DGKB: variants seen among roughly 807,000 people sequenced by gnomAD.
The protein encoded by DGKB is 90 kDa diacylglycerol kinase.
A neutral mutation model predicts 114.3 loss-of-function variants in DGKB; 67 were observed. The ratio of observed to expected loss-of-function variants is 0.59; its 90% CI spans 0.48 to 0.72. The LOEUF (loss-of-function observed/expected upper bound fraction) is 0.72, where lower values mean the gene tolerates loss of function less well. DGKB is among the 30% of genes least tolerant of loss of function. DGKB has a pLI of 0.00. For synonymous variants in DGKB, 398 were observed against 323.1 expected, an observed-to-expected ratio of 1.23 and a Z score of -2.49; for missense variants, 907 against 975.2, an observed-to-expected ratio of 0.93 and a Z score of 0.93.
Position 14,491,878 on chromosome 7 carries a change from A to T in DGKB, c.1771-13653T>A, listed in dbSNP as rs551918542. 2.3e-4 allele frequency among the ~76,000 whole-genome samples: 35 copies of T among 152,138 alleles called. 2 individuals carry two copies. In the South Asian group the frequency reaches 7.3e-3, roughly 32 times the overall value. On this transcript the variant is annotated intron_variant, in intron 20 of 25. Coordinates refer to ENST00000402815, the MANE Select transcript of DGKB (RefSeq NM_001350709.2). ...AATTAATAGCTTAAAACCATGAGAGACTCATAATTTATCTAACTTGTTAGA... is the reference window on the plus strand; with the variant it reads ...AATTAATAGCTTAAAACCATGAGAGTCTCATAATTTATCTAACTTGTTAGA...
rs114214558 is a variant in DGKB at position 14,192,932 on chromosome 7, G to A, written c.2123-14781C>T. 3.0e-3 allele frequency among the ~76,000 whole-genome samples: 451 copies of A among 151,908 alleles called. 3 individuals carry two copies. The highest frequency in any genetic ancestry group is 0.011 in the African/African-American group (440 of 41,426). Reference sequence around the variant, plus strand: ...TTCACATACAGAGTGCTCAACCTAGGTCCCTTGCATGCGCAGTTCACAATA... The same window carrying A: ...TTCACATACAGAGTGCTCAACCTAGATCCCTTGCATGCGCAGTTCACAATA... On this transcript the variant is annotated intron_variant, in intron 23 of 25. Transcript: ENST00000402815.
rs879305498 is a variant in DGKB at position 14,147,140 on chromosome 7, T to A, written c.*1991A>T. The A allele has an allele frequency of 5.9e-5, 9 of 152,200 alleles. No individual in the cohort carries two copies. Among genetic ancestry groups the A allele is most frequent in the Non-Finnish European group, 8.8e-5 (6 of 68,010 alleles). 9.4% of individuals were successfully genotyped at this position (152,200 alleles called of 1,614,324 possible). On this transcript the variant is annotated 3_prime_UTR_variant, in exon 26 of 26. Transcript: ENST00000402815. ...TAGATACAAAAAATCAATGTGTGTG[T>A]TACGTAACATTATGTCAGTAATGTA...
intron 23 of DGKB, among the ~76,000 whole-genome samples, chr7:14,232,203 A>C (rs1413359093): frequency 6.6e-6 from 1 of 151,926 alleles, no homozygotes; most frequent in Non-Finnish European, 1.5e-5. Context: ...GAGATTAGAC[A>C]TTCACGCTCC....
chr7:14,679,909 C>A (rs746753169), intron 12 of DGKB, among the ~76,000 whole-genome samples: 2 of 151,910 alleles, frequency 1.3e-5, no homozygotes, highest in Non-Finnish European at 2.9e-5. Context: ...AAATGTGTCC[C>A]TAAAATTGCT....
At chr7:14,838,017 T>C (rs1847391514) in intron 2 of DGKB, among the ~76,000 whole-genome samples, 1 of 152,190 alleles carries the variant, frequency 6.6e-6, no homozygotes, top group African/African-American at 2.4e-5. Context: ...TTAATAATGC[T>C]CTTACACTCA....
intron 20 of DGKB, among the ~76,000 whole-genome samples, chr7:14,509,233 G>A (rs753073189): frequency 6.6e-6 from 1 of 152,100 alleles, no homozygotes; most frequent in African/African-American, 2.4e-5. Flanking sequence ...CCACAATAAA[G>A]CTAATACTGT....
chr7:14,148,423 C>T lies in DGKB; in HGVS notation c.*708G>A, dbSNP rs1562468686. Reference sequence around the variant, plus strand: ...GATTCTCATGCAGAAAGGAACAAGGCTTGCCATATTACCACACTTGACTGT... The same window carrying T: ...GATTCTCATGCAGAAAGGAACAAGGTTTGCCATATTACCACACTTGACTGT... On this transcript the variant is annotated 3_prime_UTR_variant, in exon 26 of 26. Transcript: ENST00000402815. The T allele has an allele frequency of 6.6e-6, 1 of 152,560 alleles. No individual in the cohort carries two copies. 9.5% of individuals were successfully genotyped at this position (152,560 alleles called of 1,614,324 possible). A position where few individuals can be genotyped will look rare whatever the true frequency, so the allele number is the denominator to read the frequency against.
chr7:14,874,391 G>A (rs971357244), intron 1 of DGKB, among the ~76,000 whole-genome samples: 1 of 151,952 alleles, frequency 6.6e-6, no homozygotes, highest in African/African-American at 2.4e-5. Context: ...CCACATTTCA[G>A]ATTAATCCAC....
intron 2 of DGKB, among the ~76,000 whole-genome samples, chr7:14,795,120 T>C (rs1280790937): frequency 6.6e-6 from 1 of 152,222 alleles, no homozygotes; most frequent in East Asian, 1.9e-4. Flanking sequence ...AGGAGGTATG[T>C]TAAACTCAAA....
intron 13 of DGKB, among the ~76,000 whole-genome samples, chr7:14,653,353 T>C (rs1470442793): frequency 6.6e-6 from 1 of 152,036 alleles, no homozygotes; most frequent in East Asian, 1.9e-4. Context: ...ACGTCCTTTG[T>C]AGGGACATGG....
Position 14,663,767 on chromosome 7 carries a change from T to G in DGKB, c.1134+9162A>C, listed in dbSNP as rs116060198. ...CTCTGTCTCATAAATCTTCCACACTTCTCCTCTTTTCTAAAACTTTTAACT... is the reference window on the plus strand; with the variant it reads ...CTCTGTCTCATAAATCTTCCACACTGCTCCTCTTTTCTAAAACTTTTAACT... On this transcript the variant is annotated intron_variant, in intron 13 of 25. Coordinates refer to ENST00000402815, the MANE Select transcript of DGKB (RefSeq NM_001350709.2). Among the ~76,000 whole-genome samples the G allele has an allele frequency of 6.8e-3, 1,008 of 148,954 alleles. 16 individuals are homozygous for G. The highest frequency in any genetic ancestry group is 0.022 in the African/African-American group (897 of 40,566).
intron 15 of DGKB, 168 bp downstream of exon 15, chr7:14,621,210 T>A: frequency 1.9e-6 from 1 of 523,314 alleles, no homozygotes; most frequent in Admixed American, 3.8e-5. Context: ...ACTCTGTCAA[T>A]CAACCGTAAG....
chr7:14,703,689 G>T (rs924880632), intron 6 of DGKB, among the ~76,000 whole-genome samples: 1 of 152,136 alleles, frequency 6.6e-6, no homozygotes, highest in South Asian at 2.1e-4. Context: ...TGAGTCAGGG[G>T]TGTTTCGAGG....
chr7:14,966,613 A>C (rs1787164940), intron 1 of DGKB, among the ~76,000 whole-genome samples: 1 of 152,122 alleles, frequency 6.6e-6, no homozygotes, highest in Non-Finnish European at 1.5e-5. Context: ...CTTTAAGGGA[A>C]CATTCAATCA....
At chr7:14,796,220 C>G (rs981152048) in intron 2 of DGKB, among the ~76,000 whole-genome samples, 3 of 152,112 alleles carry the variant, frequency 2.0e-5, no homozygotes, top group Non-Finnish European at 4.4e-5. Flanking sequence ...CAACAAGGCC[C>G]ACAGTAGAGG....
intron 13 of DGKB, among the ~76,000 whole-genome samples, chr7:14,631,788 A>G (rs1411022387): frequency 6.6e-6 from 1 of 152,032 alleles, no homozygotes; most frequent in African/African-American, 2.4e-5. Context: ...GTTGAAGCTT[A>G]AGGTCTGAAT....
At chr7:14,358,095 T>A (rs981113329) in intron 21 of DGKB, among the ~76,000 whole-genome samples, 9 of 152,150 alleles carry the variant, frequency 5.9e-5, no homozygotes, top group African/African-American at 9.7e-5. Flanking sequence ...TCAAGGAGTA[T>A]CTTTGTGGTG....
chr7:14,792,624 C>T (rs1840827832), intron 2 of DGKB, among the ~76,000 whole-genome samples: 1 of 152,022 alleles, frequency 6.6e-6, no homozygotes, highest in Non-Finnish European at 1.5e-5. Context: ...AAGAGGAACA[C>T]TAAACCAAAC....
intron 25 of DGKB, among the ~76,000 whole-genome samples, chr7:14,166,594 T>C (rs1469653231): frequency 1.3e-5 from 2 of 152,168 alleles, no homozygotes; most frequent in Non-Finnish European, 2.9e-5. Context: ...ATAAGCACTC[T>C]TCACTCTATC....
Sources: gnomAD v4.1 joint callset for allele counts (sites outside exome capture counted in the v4.1 genomes callset) on GRCh38, gnomAD v4.1.1 for gene constraint, MANE v1.5 for transcripts, NCBI Gene and HGNC (gene_info 2026-07-23, HGNC 2026-07-21) for gene names.